The following YBEY variants were observed in gnomAD, a reference collection of about 807,000 sequenced individuals.
The protein encoded by YBEY is endoribonuclease YbeY.
Under a neutral mutation model 13.5 loss-of-function variants are expected in YBEY, and 15 were observed. That is an observed-to-expected ratio of 1.11 (90% confidence interval 0.75 to 1.72). YBEY has a LOEUF of 1.72. Ranked by LOEUF, YBEY falls within the 40% of genes most tolerant of loss-of-function variation. The pLI, the probability that YBEY is intolerant of heterozygous loss-of-function variation, is 0.00. For synonymous variants in YBEY, 101 were observed against 83.1 expected (o/e 1.21, Z -1.17); for missense variants, 244 against 208.4 (o/e 1.17, Z -1.05).
chr21:46,305,757 G>A, the YBEY span, among the ~76,000 whole-genome samples: 2 of 151,728 alleles, frequency 1.3e-5, no homozygotes, highest in Admixed American at 1.3e-4. Flanking sequence ...GGCTAACACG[G>A]TGAAACCCCG....
intron 3 of YBEY, among the ~76,000 whole-genome samples, chr21:46,292,550 A>G (rs1371934992): frequency 6.7e-6 from 1 of 149,410 alleles, no homozygotes; most frequent in African/African-American, 2.5e-5. Context: ...GAGTGGGGAC[A>G]GCCACGCAAG....
intron 3 of YBEY, chr21:46,291,967 C>A: frequency 1.9e-6 from 1 of 516,690 alleles, no homozygotes; most frequent in Non-Finnish European, 2.5e-6. Flanking sequence ...TCAACTCAAT[C>A]TCCCAGAGAA....
At chr21:46,299,087 C>T (rs1419863024), downstream of YBEY, among the ~76,000 whole-genome samples, 4 of 145,712 alleles carry the variant, frequency 2.7e-5, no homozygotes, top group Middle Eastern at 3.7e-3. Flanking sequence ...CTGCCTGAGC[C>T]TCCCAGGTAG....
At chr21:46,303,337 TC>T in the YBEY span, among the ~76,000 whole-genome samples, 1 of 151,586 alleles carries the variant, frequency 6.6e-6, no homozygotes, top group Non-Finnish European at 1.5e-5. Flanking sequence ...AGATACTATC[TC>T]CCCAGAAAAT....
At chr21:46,297,472 G>A in intron 4 of YBEY, 67 bp from the exon 5 acceptor site, 1 of 1,295,260 alleles carries the variant, frequency 7.7e-7, no homozygotes. Flanking sequence ...ATCCCGAGGA[G>A]GCGACCCCAG....
downstream of YBEY, among the ~76,000 whole-genome samples, chr21:46,298,610 T>C (rs1382077568): frequency 3.3e-5 from 5 of 151,544 alleles, 1 homozygote; most frequent in Non-Finnish European, 1.5e-5. Context: ...TTTGTATTTT[T>C]AGTAGAGACG....
chr21:46,300,045 T>C (rs143603563), downstream of YBEY: 460 of 152,696 alleles, frequency 3.0e-3, 3 homozygotes, highest in Non-Finnish European at 5.1e-3. Flanking sequence ...CCAGAGCCTT[T>C]CATCCCTGTG....
downstream of YBEY, among the ~76,000 whole-genome samples, chr21:46,299,311 G>A (rs537171524): frequency 6.6e-6 from 1 of 152,074 alleles, no homozygotes; most frequent in Non-Finnish European, 1.5e-5. Flanking sequence ...ATGCCCTTCT[G>A]ACCTGAATCT....
At chr21:46,306,650 C>T in the YBEY span, among the ~76,000 whole-genome samples, 2 of 152,178 alleles carry the variant, frequency 1.3e-5, no homozygotes, top group East Asian at 3.9e-4. Context: ...TACAGTGGCA[C>T]AGTCACAGCT....
rs189188095 is a variant in YBEY, at chr21:46,287,703, G to T, written c.210+580G>T. On this transcript the variant is annotated intron_variant, in intron 2 of 4. Coordinates refer to ENST00000397701, the MANE Select transcript of YBEY (RefSeq NM_001314025.2). ...CTGGTAACCCAGCAGGAAAAAGAAAGGTGACAGCCGAGCGCGATGGCTCAT... is the reference window on the plus strand; with the variant it reads ...CTGGTAACCCAGCAGGAAAAAGAAATGTGACAGCCGAGCGCGATGGCTCAT... Among the ~76,000 whole-genome samples, 25 of 152,220 alleles carry T rather than the reference G, an allele frequency of 1.6e-4. No individual in the cohort carries two copies. The East Asian group carries it at 4.8e-3, about 29-fold the overall frequency.
Position 46,288,054 on chromosome 21 carries a change from C to A in YBEY, c.210+931C>A, listed in dbSNP as rs1397603602. On this transcript the variant is annotated intron_variant, in intron 2 of 4. Transcript: ENST00000397701. ...AAGAAAAAGGTGACTAGCGTCCACCCCCCTTCCCCTCCTAATGCTCTCAGT... is the reference window on the plus strand; with the variant it reads ...AAGAAAAAGGTGACTAGCGTCCACCACCCTTCCCCTCCTAATGCTCTCAGT... Among the ~76,000 whole-genome samples the A allele has an allele frequency of 2.0e-5, 3 of 152,168 alleles. No homozygotes were observed. The East Asian group carries it at 5.8e-4, about 29-fold the overall frequency.
intron 3 of YBEY, among the ~76,000 whole-genome samples, chr21:46,292,823 CGTGCCCGGG>C: frequency 7.7e-6 from 1 of 130,590 alleles, no homozygotes; most frequent in Non-Finnish European, 1.7e-5. Flanking sequence ...TAGCCTGACC[CGTGCCCGGG>C]ACTCAGTGGA....
chr21:46,308,229 G>A, the YBEY span, among the ~76,000 whole-genome samples: 83 of 152,128 alleles, frequency 5.5e-4, no homozygotes, highest in Non-Finnish European at 9.0e-4. Context: ...TTGGGAGGCC[G>A]AAGGGGGCAG....
intron 2 of YBEY, among the ~76,000 whole-genome samples, chr21:46,289,982 CGTGT>C (rs76730223): frequency 0.051 from 74 of 1,438 alleles, no homozygotes; most frequent in Admixed American, 0.056. Flanking sequence ...GTTGCAGTTT[CGTGT>C]GTGTGTGTAA....
chr21:46,302,054 C>G (rs2082126353), downstream of YBEY: 1 of 1,528,696 alleles, frequency 6.5e-7, no homozygotes, highest in African/African-American at 1.4e-5. Flanking sequence ...AGTGGCAGCC[C>G]CAGGTGGCCA....
intron 2 of YBEY, among the ~76,000 whole-genome samples, chr21:46,288,505 G>A (rs1001108108): frequency 4.6e-5 from 7 of 151,842 alleles, no homozygotes; most frequent in African/African-American, 7.3e-5. Flanking sequence ...GTGAAACCCC[G>A]TCTCTACTAA....
intron 2 of YBEY, among the ~76,000 whole-genome samples, chr21:46,287,360 A>AT (rs1472992447): frequency 9.5e-4 from 143 of 150,600 alleles, no homozygotes; most frequent in African/African-American, 1.4e-3. Context: ...CGCCTGGCTA[A>AT]TTTTTTTTTG....
chr21:46,299,758 C>T (rs1186224277), downstream of YBEY, among the ~76,000 whole-genome samples: 1 of 150,970 alleles, frequency 6.6e-6, no homozygotes, highest in Admixed American at 6.6e-5. Flanking sequence ...GAGCCCCCCC[C>T]ACCACAGGCA....
chr21:46,311,355 G>T, the YBEY span: 2 of 529,332 alleles, frequency 3.8e-6, 1 homozygote, highest in Non-Finnish European at 6.6e-6. Flanking sequence ...ATGTTGAACA[G>T]CCAAAAGCTG....
Sources: gnomAD v4.1 joint callset for allele counts (sites outside exome capture counted in the v4.1 genomes callset) on GRCh38, gnomAD v4.1.1 for gene constraint, MANE v1.5 for transcripts, NCBI Gene and HGNC (gene_info 2026-07-23, HGNC 2026-07-21) for gene names.